Variants in DDX10 observed in about 807,000 individuals in gnomAD.
DDX10 encodes the protein DEAD-box helicase 10.
Under a neutral mutation model 104.3 loss-of-function variants are expected in DDX10, and 74 were observed. The ratio of observed to expected loss-of-function variants is 0.71; its 90% CI spans 0.59 to 0.86. DDX10 has a LOEUF of 0.86. DDX10 is among the 40% of genes least tolerant of loss of function. DDX10 has a pLI of 0.00. For missense variants in DDX10, 952 were observed against 1,040.0 expected, an observed-to-expected ratio of 0.92 and a Z score of 1.16; for synonymous variants, 351 against 353.4, an observed-to-expected ratio of 0.99 and a Z score of 0.08.
chr11:108,840,781 GC>G (rs1161613183), intron 14 of DDX10, among the ~76,000 whole-genome samples: 6 of 152,170 alleles, frequency 3.9e-5, no homozygotes, highest in African/African-American at 1.2e-4. Context: ...TTTAATATGT[GC>G]CAGATACTAT....
intron 11 of DDX10, 120 bp from the exon 12 acceptor site, chr11:108,719,677 A>G: frequency 1.7e-6 from 1 of 594,382 alleles, no homozygotes; most frequent in Non-Finnish European, 3.0e-6. Context: ...AGATATACTG[A>G]ACTATTTCGT....
chr11:108,823,673 A>C (rs989414281), intron 13 of DDX10, among the ~76,000 whole-genome samples: 1 of 152,114 alleles, frequency 6.6e-6, no homozygotes, highest in African/African-American at 2.4e-5. Context: ...TTTGCTTGTA[A>C]AAATTGGTGG....
chr11:108,746,387 T>A (rs950863437), intron 13 of DDX10, among the ~76,000 whole-genome samples: 1 of 152,176 alleles, frequency 6.6e-6, no homozygotes, highest in African/African-American at 2.4e-5. Flanking sequence ...CATTTCTTTT[T>A]AGGGCTAAAT....
At chr11:108,698,741 A>G (rs951679224) in intron 9 of DDX10, among the ~76,000 whole-genome samples, 2 of 152,202 alleles carry the variant, frequency 1.3e-5, no homozygotes, top group Admixed American at 1.3e-4. Context: ...CACTCCTCTG[A>G]TGGCATACCA....
chr11:108,897,438 C>A (rs1863456101), intron 16 of DDX10, among the ~76,000 whole-genome samples: 1 of 152,162 alleles, frequency 6.6e-6, no homozygotes, highest in South Asian at 2.1e-4. Context: ...TTGAGTCACA[C>A]AAATATCAAA....
At chr11:108,809,649 A>G (rs1454495105) in intron 13 of DDX10, among the ~76,000 whole-genome samples, 1 of 152,208 alleles carries the variant, frequency 6.6e-6, no homozygotes, top group African/African-American at 2.4e-5. Context: ...ACCAGGCCGT[A>G]TGTAAGGGCT....
At chr11:108,753,237 T>G (rs1269926316) in intron 13 of DDX10, among the ~76,000 whole-genome samples, 1 of 152,112 alleles carries the variant, frequency 6.6e-6, no homozygotes, top group Non-Finnish European at 1.5e-5. Flanking sequence ...CTTACATAAT[T>G]ACTTGAATGC....
intron 17 of DDX10, among the ~76,000 whole-genome samples, chr11:108,937,919 G>A (rs985244674): frequency 6.6e-6 from 1 of 151,950 alleles, no homozygotes; most frequent in African/African-American, 2.4e-5. Flanking sequence ...CCCTTGCCTC[G>A]AACATTTAAA....
At chr11:108,817,667 C>T (rs1240849462) in intron 13 of DDX10, among the ~76,000 whole-genome samples, 2 of 152,134 alleles carry the variant, frequency 1.3e-5, no homozygotes, top group African/African-American at 2.4e-5. Context: ...AATAAATGAC[C>T]GAGCTTCTTT....
At chr11:108,822,512 A>T (rs1349006497) in intron 13 of DDX10, 6 of 259,868 alleles carry the variant, frequency 2.3e-5, no homozygotes, top group Non-Finnish European at 4.5e-5. Context: ...GTGTAAGAGT[A>T]TCCAACGGCC....
rs11212817 is a variant in DDX10, at chr11:108,936,335, A to C, written c.2451-3911A>C. Among the ~76,000 whole-genome samples, 1,219 of 152,224 alleles carry C rather than the reference A, an allele frequency of 8.0e-3. 37 individuals carry two copies. The highest frequency in any genetic ancestry group is 0.051 in the East Asian group (265 of 5,192). The stretch of plus-strand genomic sequence containing the variant: ...TGTTATCTCTGAATTCTTTAGCTCT[A>C]CTTCTTATTTTTATAGCAGTAGTAG... On this transcript the variant is annotated intron_variant, in intron 17 of 17. Coordinates refer to ENST00000322536, the MANE Select transcript of DDX10 (RefSeq NM_004398.4).
At chr11:108,866,662 T>A (rs1450513053) in intron 16 of DDX10, among the ~76,000 whole-genome samples, 1 of 152,132 alleles carries the variant, frequency 6.6e-6, no homozygotes, top group East Asian at 1.9e-4. Flanking sequence ...AGAGGACAAT[T>A]TTTAATAGCT....
At chr11:108,848,806 TG>T (rs534779292) in intron 15 of DDX10, among the ~76,000 whole-genome samples, 86 of 152,148 alleles carry the variant, frequency 5.7e-4, no homozygotes, top group South Asian at 2.3e-3. Flanking sequence ...AGGTAGAGAT[TG>T]GGGTTGAGGA....
chr11:108,822,153 A>C (rs1038036644), intron 13 of DDX10, among the ~76,000 whole-genome samples: 5 of 152,248 alleles, frequency 3.3e-5, no homozygotes, highest in Non-Finnish European at 7.3e-5. Context: ...AATTCAAAAA[A>C]ACAAACATAT....
At chr11:108,697,358 A>T (rs2094261453) in intron 9 of DDX10, among the ~76,000 whole-genome samples, 1 of 152,136 alleles carries the variant, frequency 6.6e-6, no homozygotes, top group Non-Finnish European at 1.5e-5. Flanking sequence ...ATCTAATTAA[A>T]ATCCTGTGTA....
intron 10 of DDX10, among the ~76,000 whole-genome samples, chr11:108,710,252 G>A (rs868695133): frequency 1.3e-5 from 2 of 151,948 alleles, no homozygotes; most frequent in South Asian, 2.1e-4. Context: ...CACTGTACAC[G>A]TAGGCTACAC....
At chr11:108,815,306 A>T (rs878962449) in intron 13 of DDX10, among the ~76,000 whole-genome samples, 4 of 150,170 alleles carry the variant, frequency 2.7e-5, no homozygotes, top group African/African-American at 7.4e-5. Flanking sequence ...CTTTTTTTTT[A>T]AATTATCAAT....
At chr11:108,677,288 A>G in intron 4 of DDX10, 45 bp downstream of exon 4, 3 of 1,541,922 alleles carry the variant, frequency 1.9e-6, no homozygotes, top group Non-Finnish European at 1.8e-6. Context: ...TGTAACCTAT[A>G]CTGGAGTACT....
At chr11:108,747,884 T>A (rs2094333761) in intron 13 of DDX10, among the ~76,000 whole-genome samples, 1 of 152,162 alleles carries the variant, frequency 6.6e-6, no homozygotes, top group African/African-American at 2.4e-5. Flanking sequence ...AAACTTTTTA[T>A]AGATCCTTGT....
Sources: gnomAD v4.1 joint callset for allele counts (sites outside exome capture counted in the v4.1 genomes callset) on GRCh38, gnomAD v4.1.1 for gene constraint, MANE v1.5 for transcripts, NCBI Gene and HGNC (gene_info 2026-07-23, HGNC 2026-07-21) for gene names.